The following ZNF112 variants were observed in gnomAD, a reference collection of about 807,000 sequenced individuals.
The protein encoded by ZNF112 is zinc finger protein 112.
ZNF112 carries 37 observed loss-of-function variants against 77.7 expected under a neutral mutation model. That is an observed-to-expected ratio of 0.48 (90% confidence interval 0.37 to 0.63). The LOEUF (loss-of-function observed/expected upper bound fraction) is 0.63. Ranked by LOEUF, ZNF112 falls within the 20% of genes least tolerant of loss-of-function variation. The probability of loss-of-function intolerance (pLI) is 0.00; values close to 1 mark genes in which losing one functional copy is unlikely to be tolerated. For missense variants in ZNF112, 950 were observed against 1,077.4 expected (o/e 0.88, Z 1.66); for synonymous variants, 333 against 363.6 (o/e 0.92, Z 0.96).
chr19:44,344,378 G>A, intron 1 of ZNF112, among the ~76,000 whole-genome samples: 1 of 151,890 alleles, frequency 6.6e-6, no homozygotes, highest in Non-Finnish European at 1.5e-5. Flanking sequence ...AGAAAGAACT[G>A]AAAAAAATAA....
intron 1 of ZNF112, chr19:44,343,355 G>A (rs192942202): frequency 1.4e-5 from 20 of 1,436,724 alleles, no homozygotes; most frequent in Middle Eastern, 1.8e-4. Context: ...AAAGGGAAAC[G>A]TATCTTTGTG....
At chr19:44,333,532 A>C (rs1036883379) in intron 3 of ZNF112, among the ~76,000 whole-genome samples, 1 of 152,184 alleles carries the variant, frequency 6.6e-6, no homozygotes, top group Non-Finnish European at 1.5e-5. Flanking sequence ...AGGTGATTGG[A>C]TCATGGGGGT....
chr19:44,346,227 C>T (rs769358130), intron 1 of ZNF112, among the ~76,000 whole-genome samples: 1 of 152,204 alleles, frequency 6.6e-6, no homozygotes, highest in Non-Finnish European at 1.5e-5. Flanking sequence ...CTGACTCTAC[C>T]ACTTACTGGC....
exon 1 of ZNF112, chr19:44,367,112 C>T (rs1267948731): frequency 4.4e-6 from 2 of 456,130 alleles, no homozygotes; most frequent in South Asian, 3.1e-5. Flanking sequence ...CACTGCTAGC[C>T]GCGGATGCTC....
upstream of ZNF112, among the ~76,000 whole-genome samples, chr19:44,359,869 G>A (rs1455080699): frequency 2.6e-5 from 4 of 152,222 alleles, no homozygotes; most frequent in East Asian, 7.7e-4. Flanking sequence ...AATTATTCCT[G>A]AGAATAACAA....
intron 2 of ZNF112, 54 bp downstream of exon 2, chr19:44,340,362 C>T: frequency 1.3e-6 from 2 of 1,586,110 alleles, no homozygotes; most frequent in African/African-American, 1.4e-5. Context: ...CAATTGAGCA[C>T]ACAAAGACAC....
chr19:44,336,011 A>G (rs1970358680), intron 3 of ZNF112, among the ~76,000 whole-genome samples: 1 of 152,226 alleles, frequency 6.6e-6, no homozygotes, highest in Non-Finnish European at 1.5e-5. Flanking sequence ...GGAGGATAAG[A>G]AGATGGACAT....
chr19:44,365,801 GT>G (rs1242013510), intron 1 of ZNF112, among the ~76,000 whole-genome samples: 1 of 152,052 alleles, frequency 6.6e-6, no homozygotes, highest in Non-Finnish European at 1.5e-5. Flanking sequence ...TTATGATTTT[GT>G]TGATTTTTAA....
rs764837738 is a variant in ZNF112 at position 44,329,474 on chromosome 19, T to C, written c.683A>G (p.His228Arg). 39 of 1,614,044 alleles carry C rather than the reference T, an allele frequency of 2.4e-5. No individual in the cohort carries two copies. The highest frequency in any genetic ancestry group is 1.3e-5 in the African/African-American group (1 of 74,938). The change falls in exon 4 of 4, where the codon CAT becomes CGT. Residue 228 changes from histidine (H) to arginine (R), a missense_variant. Transcript: ENST00000354340. ...EVHRKENYSC[H>R]DCGEDIMKVS... ...CTTCATGATATCTTCTCCACAGTCA[T>C]GGCAGCTGTAGTTTTCTTTTCTGTG...
chr19:44,342,828 A>G (rs1452832857), intron 1 of ZNF112, among the ~76,000 whole-genome samples: 3 of 151,452 alleles, frequency 2.0e-5, no homozygotes, highest in African/African-American at 7.3e-5. Context: ...AAAAAAAAAG[A>G]AAAAGAAAAA....
rs780948107 is a variant in ZNF112, at chr19:44,327,830, CA to C, written c.2326del (p.Cys776ValfsTer145). The C allele has an allele frequency of 2.7e-5, 43 of 1,613,890 alleles. No homozygotes were observed. Among genetic ancestry groups the C allele is most frequent in the Non-Finnish European group, 3.6e-5 (42 of 1,179,910 alleles). Reference protein sequence around the residue: ...TGGKPYKCEVCTKGFSESSRL... With the variant: ...TGGKPYKCEVXTKGFSESSRL... ...TGAACTCTCACTGAAACCCTTTGTA[CA>C]CACCTCACATTTGTATGGTTTCCCT... is the stretch of plus-strand genomic sequence containing the variant. On this transcript the variant is annotated frameshift_variant, in exon 4 of 4. Transcript: ENST00000354340. LOFTEE classifies it high-confidence loss of function.
chr19:44,339,290 G>A (rs921680458), intron 2 of ZNF112, among the ~76,000 whole-genome samples: 4 of 152,156 alleles, frequency 2.6e-5, no homozygotes, highest in African/African-American at 4.8e-5. Context: ...TATACTGCCC[G>A]ATTAGAGTGT....
chr19:44,337,298 AAT>A (rs1053671557), intron 2 of ZNF112, among the ~76,000 whole-genome samples: 25 of 122,884 alleles, frequency 2.0e-4, no homozygotes, highest in Non-Finnish European at 3.1e-4. Flanking sequence ...ATATGTATAA[AAT>A]ATATATATAT....
upstream of ZNF112, among the ~76,000 whole-genome samples, chr19:44,359,785 G>C (rs182270664): frequency 6.6e-6 from 1 of 152,212 alleles, no homozygotes; most frequent in Admixed American, 6.5e-5. Flanking sequence ...ATAGATAAAA[G>C]ACTGTGGCAT....
At chr19:44,330,018 C>A in intron 3 of ZNF112, 82 bp from the exon 4 acceptor site, 1 of 1,105,632 alleles carries the variant, frequency 9.0e-7, no homozygotes, top group Non-Finnish European at 1.3e-6. Flanking sequence ...TAGGTCATAA[C>A]ATGAAACTTG....
Position 44,327,325 on chromosome 19 carries a change from T to A in ZNF112, c.*108A>T, listed in dbSNP as rs1435531162. ...TCTCTGTTGTGTGGTCTCCTGGCCA[T>A]TATGAATGTTGAAGTTGGGCAGCAA... On this transcript the variant is annotated 3_prime_UTR_variant, in exon 4 of 4. Coordinates refer to ENST00000354340, the MANE Select transcript of ZNF112 (RefSeq NM_013380.4). The A allele has an allele frequency of 5.7e-6, 5 of 874,010 alleles. No homozygotes were observed. Among genetic ancestry groups the A allele is most frequent in the Non-Finnish European group, 8.6e-6 (5 of 581,086 alleles). 54.1% of individuals were successfully genotyped at this position (874,010 alleles called of 1,614,324 possible).
chr19:44,339,741 T>G (rs1045094807), intron 2 of ZNF112, among the ~76,000 whole-genome samples: 2 of 152,014 alleles, frequency 1.3e-5, no homozygotes, highest in African/African-American at 4.8e-5. Flanking sequence ...TGAGCCTGAG[T>G]GTGGGGCTCA....
chr19:44,359,667 C>A (rs1970835765), upstream of ZNF112, among the ~76,000 whole-genome samples: 1 of 152,128 alleles, frequency 6.6e-6, no homozygotes, highest in Non-Finnish European at 1.5e-5. Context: ...ACCAACTCTA[C>A]AATATGCTAA....
chr19:44,337,840 TACACACAC>T (rs71171235), intron 2 of ZNF112, among the ~76,000 whole-genome samples: 1,391 of 47,452 alleles, frequency 0.029, 28 homozygotes, highest in African/African-American at 0.059. Flanking sequence ...TACATACACA[TACACACAC>T]ACACACACAC....
Sources: gnomAD v4.1 joint callset for allele counts (sites outside exome capture counted in the v4.1 genomes callset) on GRCh38, gnomAD v4.1.1 for gene constraint, MANE v1.5 for transcripts, NCBI Gene and HGNC (gene_info 2026-07-23, HGNC 2026-07-21) for gene names.